The following HS6ST3 variants were observed in gnomAD, a reference collection of about 807,000 sequenced individuals.
The protein encoded by HS6ST3 is heparan-sulfate 6-O-sulfotransferase 3.
HS6ST3 carries 12 observed loss-of-function variants against 36.7 expected under a neutral mutation model. That is an observed-to-expected ratio of 0.33 (90% CI 0.21 to 0.53). The LOEUF (loss-of-function observed/expected upper bound fraction) is 0.53, where lower values mean the gene tolerates loss of function less well. Among genes scored for constraint, HS6ST3 ranks in the 20% least tolerant of loss-of-function variants. The pLI is 0.95. For missense variants in HS6ST3, 584 were observed against 640.9 expected (o/e 0.91, Z 0.96); for synonymous variants, 240 against 257.5 (o/e 0.93, Z 0.65).
At chr13:96,431,182 A>T (rs1566359143) in intron 1 of HS6ST3, among the ~76,000 whole-genome samples, 1 of 151,960 alleles carries the variant, frequency 6.6e-6, no homozygotes, top group African/African-American at 2.4e-5. Flanking sequence ...CCAGCCTGGG[A>T]GACAGAGTGA....
chr13:96,656,694 G>C lies in HS6ST3; in HGVS notation c.708-175796G>C, dbSNP rs188501097. Among the ~76,000 whole-genome samples the C allele has an allele frequency of 1.5e-3, 226 of 152,186 alleles. 2 individuals are homozygous for C. Among genetic ancestry groups the C allele is most frequent in the African/African-American group, 5.0e-3 (207 of 41,532 alleles). ...CTGTAGTAGAATGGAGGAAGGAGTC[G>C]CAAAAACGATGGCATAGGAATCCTG... On this transcript the variant is annotated intron_variant, in intron 1 of 1. Transcript: ENST00000376705.
chr13:96,601,234 T>C (rs933943077), intron 1 of HS6ST3, among the ~76,000 whole-genome samples: 3 of 152,220 alleles, frequency 2.0e-5, no homozygotes, highest in African/African-American at 7.2e-5. Context: ...AAGAAAGTTT[T>C]CCTCAATTAT....
At chr13:96,370,623 C>T (rs910128002) in intron 1 of HS6ST3, among the ~76,000 whole-genome samples, 2 of 152,090 alleles carry the variant, frequency 1.3e-5, no homozygotes, top group African/African-American at 4.8e-5. Context: ...TAAAAAAATC[C>T]ATTATTGGCC....
intron 1 of HS6ST3, among the ~76,000 whole-genome samples, chr13:96,329,323 C>T (rs1198937480): frequency 7.2e-6 from 1 of 139,754 alleles, no homozygotes; most frequent in African/African-American, 2.8e-5. Context: ...GCATTTAGTG[C>T]TATAAATTTC....
chr13:96,430,617 C>T (rs554912124), intron 1 of HS6ST3, among the ~76,000 whole-genome samples: 5 of 152,334 alleles, frequency 3.3e-5, no homozygotes, highest in African/African-American at 9.6e-5. Context: ...AGGCCCTGCT[C>T]TTCTCTTTAC....
In HS6ST3 at chr13:96,604,759, C is replaced by T. The variant is rs79364486; in HGVS notation, c.708-227731C>T. On this transcript the variant is annotated intron_variant, in intron 1 of 1. Transcript: ENST00000376705. The stretch of plus-strand genomic sequence containing the variant: ...TCTGCACACATTTAAATAAAAATTT[C>T]ATTTAAGTGTATTTTTACTTTGTTT... Among the ~76,000 whole-genome samples the T allele has an allele frequency of 9.4e-3, 1,429 of 152,234 alleles. 56 individuals carry two copies. The highest frequency in any genetic ancestry group is 0.067 in the Admixed American group (1,024 of 15,292).
At chr13:96,203,080 C>T (rs1455763574) in intron 1 of HS6ST3, among the ~76,000 whole-genome samples, 1 of 152,198 alleles carries the variant, frequency 6.6e-6, no homozygotes, top group Non-Finnish European at 1.5e-5. Flanking sequence ...ATGGCACCAG[C>T]GATATTTCTC....
intron 1 of HS6ST3, among the ~76,000 whole-genome samples, chr13:96,433,386 T>C (rs2139475851): frequency 6.6e-6 from 1 of 152,268 alleles, no homozygotes; most frequent in East Asian, 1.9e-4. Context: ...ATTGTAATAA[T>C]CTCCATGTGT....
At chr13:96,373,065 G>A (rs2055297679) in intron 1 of HS6ST3, among the ~76,000 whole-genome samples, 1 of 152,008 alleles carries the variant, frequency 6.6e-6, no homozygotes, top group Admixed American at 6.6e-5. Context: ...CTTGGCTTGT[G>A]GCTGCTGCAT....
intron 1 of HS6ST3, among the ~76,000 whole-genome samples, chr13:96,529,160 G>A (rs960377373): frequency 1.3e-5 from 2 of 152,090 alleles, no homozygotes; most frequent in Admixed American, 6.5e-5. Flanking sequence ...AGTCCTTGAA[G>A]CCAAATTGAG....
intron 1 of HS6ST3, among the ~76,000 whole-genome samples, chr13:96,734,681 A>G (rs1876238933): frequency 6.6e-6 from 1 of 152,210 alleles, no homozygotes. Flanking sequence ...CTTCCTCTCC[A>G]TCAATCAGTG....
At chr13:96,217,896 A>G (rs1409935665) in intron 1 of HS6ST3, among the ~76,000 whole-genome samples, 1 of 152,152 alleles carries the variant, frequency 6.6e-6, no homozygotes, top group Non-Finnish European at 1.5e-5. Context: ...GGATAGATAG[A>G]TAGATAGATA....
intron 1 of HS6ST3, among the ~76,000 whole-genome samples, chr13:96,386,790 C>T (rs1261891185): frequency 4.6e-5 from 7 of 152,076 alleles, no homozygotes; most frequent in African/African-American, 1.4e-4. Context: ...GGCTTGAACC[C>T]GGGAGGCAGA....
chr13:96,217,175 G>A (rs910704799), intron 1 of HS6ST3, among the ~76,000 whole-genome samples: 3 of 152,108 alleles, frequency 2.0e-5, no homozygotes, highest in East Asian at 1.9e-4. Flanking sequence ...TATTTTGAAC[G>A]TCATATCTAT....
At chr13:96,286,298 A>T (rs1208862984) in intron 1 of HS6ST3, among the ~76,000 whole-genome samples, 1 of 152,152 alleles carries the variant, frequency 6.6e-6, no homozygotes, top group African/African-American at 2.4e-5. Flanking sequence ...TTAATCATTT[A>T]GCCCTGAAAT....
intron 1 of HS6ST3, among the ~76,000 whole-genome samples, chr13:96,215,546 G>A (rs1182470456): frequency 6.6e-6 from 1 of 152,134 alleles, no homozygotes; most frequent in Non-Finnish European, 1.5e-5. Flanking sequence ...GACTTAAGGG[G>A]AAGCCATAAA....
intron 1 of HS6ST3, among the ~76,000 whole-genome samples, chr13:96,603,049 T>C (rs1161759343): frequency 6.6e-6 from 1 of 152,182 alleles, no homozygotes; most frequent in Non-Finnish European, 1.5e-5. Flanking sequence ...TGTGCATGGA[T>C]AATTATTAAT....
chr13:96,307,409 A>G (rs1485254161), intron 1 of HS6ST3, among the ~76,000 whole-genome samples: 1 of 152,154 alleles, frequency 6.6e-6, no homozygotes, highest in Non-Finnish European at 1.5e-5. Flanking sequence ...GATGAATGAT[A>G]TCTTAATTGT....
intron 1 of HS6ST3, among the ~76,000 whole-genome samples, chr13:96,397,558 C>T (rs1338164218): frequency 1.3e-5 from 2 of 152,160 alleles, no homozygotes; most frequent in Non-Finnish European, 2.9e-5. Context: ...TATTGCTTCT[C>T]CTACAGAAAG....
Sources: gnomAD v4.1 joint callset for allele counts (sites outside exome capture counted in the v4.1 genomes callset) on GRCh38, gnomAD v4.1.1 for gene constraint, MANE v1.5 for transcripts, NCBI Gene and HGNC (gene_info 2026-07-23, HGNC 2026-07-21) for gene names.